SLC49A3: variants seen among roughly 807,000 people sequenced by gnomAD.
The protein encoded by SLC49A3 is solute carrier family 49 member 3.
In SLC49A3, 50 loss-of-function variants were observed where a neutral mutation model predicts 43.8. That is an observed-to-expected ratio of 1.14 (90% CI 0.91 to 1.45). The LOEUF (loss-of-function observed/expected upper bound fraction) is 1.45, where lower values mean the gene tolerates loss of function less well. Ranked by LOEUF, SLC49A3 falls within the 40% of genes most tolerant of loss-of-function variation. The pLI, the probability that SLC49A3 is intolerant of heterozygous loss-of-function variation, is 0.00. For synonymous variants in SLC49A3, 413 were observed against 352.0 expected, an observed-to-expected ratio of 1.17 and a Z score of -1.94; for missense variants, 906 against 774.1, an observed-to-expected ratio of 1.17 and a Z score of -2.02.
downstream of SLC49A3, chr4:678,549 A>C: frequency 4.1e-6 from 6 of 1,477,780 alleles, no homozygotes; most frequent in Non-Finnish European, 5.4e-6. Context: ...CTCCAGCCCG[A>C]AGGGCTGAGG....
chr4:685,552 A>C lies in SLC49A3; in HGVS notation c.585+283T>G, dbSNP rs1366830377. ...AACTCTACCAAAAATACAAAAAAAA[A>C]AAAATTAGCCAAGCATGGTGGCGCA... On this transcript the variant is annotated intron_variant, in intron 4 of 9. Coordinates refer to ENST00000322224, the MANE Select transcript of SLC49A3 (RefSeq NM_032219.4). The surrounding 1 kb of genome is among the most constrained non-coding windows in gnomAD (Gnocchi z 4.3). Among the ~76,000 whole-genome samples, 1 of 152,106 alleles carries C rather than the reference A, an allele frequency of 6.6e-6. No individual in the cohort carries two copies. The highest frequency in any genetic ancestry group is 6.6e-5 in the Admixed American group (1 of 15,264).
intron 3 of SLC49A3, 22 bp downstream of exon 3, chr4:686,067 G>C (rs367899745): frequency 6.2e-7 from 1 of 1,612,304 alleles, no homozygotes; most frequent in Non-Finnish European, 8.5e-7. Flanking sequence ...CCAGGCAGGC[G>C]GCCTCCCTCC....
At chr4:677,908 G>C (rs1009241445), downstream of SLC49A3, 33 of 1,570,418 alleles carry the variant, frequency 2.1e-5, no homozygotes, top group Non-Finnish European at 2.6e-5. Context: ...GTAGCCCCAA[G>C]CCTGTCCTTG....
chr4:686,566 A>G lies in SLC49A3; in HGVS notation c.260T>C (p.Ile87Thr). The G allele has an allele frequency of 1.2e-6, 2 of 1,613,072 alleles. No homozygotes were observed. The highest frequency in any genetic ancestry group is 1.7e-6 in the Non-Finnish European group (2 of 1,179,916). ...VVSTPFGVAA[I>T]WILDSVGLRA... ...GAGCCCGACGGAGTCCAGGATCCAG[A>G]TGGCCGCCACGCCAAATGGGGTGGA... is the stretch of plus-strand genomic sequence containing the variant. The change falls in exon 2 of 10, where the codon ATC becomes ACC. Residue 87 changes from isoleucine to threonine, a missense_variant. Coordinates refer to ENST00000322224, the MANE Select transcript of SLC49A3 (RefSeq NM_032219.4).
At chr4:686,378 T>G in intron 2 of SLC49A3, 76 bp from the exon 3 acceptor site, 2 of 1,579,754 alleles carry the variant, frequency 1.3e-6, no homozygotes, top group Non-Finnish European at 1.7e-6. Flanking sequence ...CCCGAGCACC[T>G]GGACCTCCCA....
Position 685,937 on chromosome 4 carries a change from C to A in SLC49A3, c.509-26G>T. On this transcript the variant is annotated intron_variant, in intron 3 of 9. Transcript: ENST00000322224. This position sits in a 1 kb window ranked among gnomAD's most constrained non-coding sequence, Gnocchi z 4.3. ...CTGGGTGGGCGGATGCACAAAGTGTCAGCTCGGCTGTGGCCTGGCTTCATC... is the reference window on the plus strand; with the variant it reads ...CTGGGTGGGCGGATGCACAAAGTGTAAGCTCGGCTGTGGCCTGGCTTCATC... The A allele has an allele frequency of 1.9e-6, 3 of 1,613,610 alleles. No individual in the cohort carries two copies. The highest frequency in any genetic ancestry group is 2.2e-5 in the South Asian group (2 of 91,048).
chr4:685,724 C>T lies in SLC49A3; in HGVS notation c.585+111G>A, dbSNP rs908211988. 7.4e-5 allele frequency: 87 copies of T among 1,180,856 alleles called. 1 individual carries two copies. The highest frequency in any genetic ancestry group is 7.6e-5 in the Non-Finnish European group (62 of 815,974). 73.1% of individuals were successfully genotyped at this position (1,180,856 alleles called of 1,614,324 possible). Reference sequence around the variant, plus strand: ...CCTTCTCGGGTGGCGGGGCGGGGGACGGGAATCACACACGGGCACAGGAAC... The same window carrying T: ...CCTTCTCGGGTGGCGGGGCGGGGGATGGGAATCACACACGGGCACAGGAAC... On this transcript the variant is annotated intron_variant, in intron 4 of 9. Coordinates refer to ENST00000322224, the MANE Select transcript of SLC49A3 (RefSeq NM_032219.4). The surrounding 1 kb of genome is among the most constrained non-coding windows in gnomAD (Gnocchi z 4.3).
rs765816872 is a variant in SLC49A3, at chr4:682,039, G to T, written c.1599C>A (p.Leu533=). 3 of 1,424,974 alleles carry T rather than the reference G, an allele frequency of 2.1e-6. No homozygotes were observed. Among genetic ancestry groups the T allele is most frequent in the Non-Finnish European group, 2.8e-6 (3 of 1,076,986 alleles). The allele number at this position is 1,424,974 out of a possible 1,614,324, so 88.3% of individuals were successfully genotyped here. Residue 533 remains leucine (L), a synonymous_variant, in exon 10 of 10, where the codon CTC becomes CTA. Coordinates refer to ENST00000322224, the MANE Select transcript of SLC49A3 (RefSeq NM_032219.4). The part of the protein sequence containing the change: ...ATDAPSRPGR[L]AGRVQASRFI... ...ACCTGGACGCTTGGACCCTGCCTGC[G>T]AGTCTGCCGGGGCGGGAGGGCGCGT...
chr4:688,589 C>G (rs1289499316), intron 1 of SLC49A3, among the ~76,000 whole-genome samples: 7 of 152,204 alleles, frequency 4.6e-5, no homozygotes, highest in African/African-American at 1.7e-4. Flanking sequence ...CCGCCCCTCA[C>G]TCAGAGTCAG....
chr4:685,465 C>T lies in SLC49A3; in HGVS notation c.585+370G>A, dbSNP rs536992597. On this transcript the variant is annotated intron_variant, in intron 4 of 9. Transcript: ENST00000322224. The surrounding 1 kb of genome is among the most constrained non-coding windows in gnomAD (Gnocchi z 4.3). ...CTGTCATCCTAGCACTTTGGGAAGC[C>T]GAGGCAGACGGATCATGAGGTCAGG... is the stretch of plus-strand genomic sequence containing the variant. Among the ~76,000 whole-genome samples, 18 of 151,802 alleles carry T rather than the reference C, an allele frequency of 1.2e-4. No individual in the cohort carries two copies. The highest frequency in any genetic ancestry group is 2.1e-4 in the South Asian group (1 of 4,814).
chr4:680,120 G>C, downstream of SLC49A3: 1 of 1,159,758 alleles, frequency 8.6e-7, no homozygotes, highest in Non-Finnish European at 1.2e-6. Flanking sequence ...CTCTGGAGAA[G>C]CCCTAGGGCC....
downstream of SLC49A3, chr4:678,407 G>A (rs1421409681): frequency 3.5e-6 from 5 of 1,419,704 alleles, no homozygotes; most frequent in Non-Finnish European, 4.6e-6. Context: ...TGACCACTGT[G>A]CTCTGTGGGC....
At chr4:681,005 C>T, downstream of SLC49A3, 6 of 1,466,844 alleles carry the variant, frequency 4.1e-6, no homozygotes, top group Non-Finnish European at 5.6e-6. Flanking sequence ...GCGAGTACAA[C>T]CTGGGGCCCC....
chr4:687,437 T>G (rs946569253), intron 1 of SLC49A3: 3 of 152,336 alleles, frequency 2.0e-5, no homozygotes, highest in South Asian at 4.1e-4. Context: ...ACAGGGAGCT[T>G]GGGCAACAGC....
chr4:691,020 C>G (rs1430063535), upstream of SLC49A3, among the ~76,000 whole-genome samples: 1 of 152,360 alleles, frequency 6.6e-6, no homozygotes, highest in South Asian at 2.1e-4. Context: ...GGTGCGGTGG[C>G]TCACGCCTGT....
chr4:685,820 C>T lies in SLC49A3; in HGVS notation c.585+15G>A, dbSNP rs753743131. 4 of 1,613,708 alleles carry T rather than the reference C, an allele frequency of 2.5e-6. No individual in the cohort carries two copies. The highest frequency in any genetic ancestry group is 2.2e-5 in the East Asian group (1 of 44,880). ...CACCACACAGACCAGGCACGGGCGT[C>T]TCATGACCCCTCACCATTAACGGAA... On this transcript the variant is annotated intron_variant, in intron 4 of 9. Transcript: ENST00000322224. This position sits in a 1 kb window ranked among gnomAD's most constrained non-coding sequence, Gnocchi z 4.3.
chr4:682,698 G>C lies in SLC49A3; in HGVS notation c.1261+83C>G, dbSNP rs539825875. 1,315 of 1,164,078 alleles carry C rather than the reference G, an allele frequency of 1.1e-3. 1 individual carries two copies. Among genetic ancestry groups the C allele is most frequent in the Non-Finnish European group, 1.5e-3 (1,256 of 834,736 alleles). 72.1% of individuals were successfully genotyped at this position (1,164,078 alleles called of 1,614,324 possible). ...CCTGCTGTTTAGGGCTCCCCACGTA[G>C]GGTTCACCTGTCCCGCTCCCAGGGA... On this transcript the variant is annotated intron_variant, in intron 9 of 9. Coordinates refer to ENST00000322224, the MANE Select transcript of SLC49A3 (RefSeq NM_032219.4).
At chr4:681,628 C>T (rs1348757692), downstream of SLC49A3, among the ~76,000 whole-genome samples, 1 of 94,826 alleles carries the variant, frequency 1.1e-5, no homozygotes, top group Non-Finnish European at 2.2e-5. Context: ...CCGCCCCGCC[C>T]CCTCCAGCGC....
chr4:678,180 G>C (rs953989827), downstream of SLC49A3: 2 of 1,537,464 alleles, frequency 1.3e-6, no homozygotes, highest in Admixed American at 2.0e-5. Flanking sequence ...GTGTGTGCAT[G>C]AGCGTGTGTA....
Sources: gnomAD v4.1 joint callset for allele counts (sites outside exome capture counted in the v4.1 genomes callset) on GRCh38, gnomAD v4.1.1 for gene constraint, Gnocchi (gnomAD v3.1) non-coding constraint, MANE v1.5 for transcripts, NCBI Gene and HGNC (gene_info 2026-07-23, HGNC 2026-07-21) for gene names.